The following EPHA4 variants were observed in gnomAD, a reference collection of about 807,000 sequenced individuals.
EPHA4 encodes the protein EPH receptor A4, also known as ephrin type-A receptor 4.
In EPHA4, 19 loss-of-function variants were observed where a neutral mutation model predicts 108.3. The ratio of observed to expected loss-of-function variants is 0.18; its 90% CI spans 0.12 to 0.26. EPHA4 has a LOEUF of 0.26. Ranked by LOEUF, EPHA4 falls within the 10% of genes least tolerant of loss-of-function variation. The probability of loss-of-function intolerance (pLI) is 1.00; values close to 1 mark genes in which losing one functional copy is unlikely to be tolerated. For missense variants in EPHA4, 917 were observed against 1,254.0 expected, an observed-to-expected ratio of 0.73 and a Z score of 4.06; for synonymous variants, 449 against 455.5, an observed-to-expected ratio of 0.99 and a Z score of 0.18.
Position 221,493,305 on chromosome 2 carries a change from C to G in EPHA4, c.979+7712G>C, listed in dbSNP as rs181657751. ...ATGGTTTATACATCAAAGCCTCGCT[C>G]TAGACATCCCTCCCCAAATCCCTTA... is the stretch of plus-strand genomic sequence containing the variant. On this transcript the variant is annotated intron_variant, in intron 4 of 17. Coordinates refer to ENST00000281821, the MANE Select transcript of EPHA4 (RefSeq NM_004438.5). Among the ~76,000 whole-genome samples the G allele has an allele frequency of 1.2e-4, 19 of 152,224 alleles. No homozygotes were observed. The East Asian group carries it at 3.7e-3, about 29-fold the overall frequency.
In EPHA4 at chr2:221,430,138, A is replaced by G; in HGVS notation, c.2510T>C (p.Ile837Thr). 1.2e-6 allele frequency: 2 copies of G among 1,607,950 alleles called. No homozygotes were observed. Among genetic ancestry groups the G allele is most frequent in the Non-Finnish European group, 1.7e-6 (2 of 1,177,864 alleles). The change falls in exon 15 of 18, where the codon ATT becomes ACT. Residue 837 changes from isoleucine to threonine, a missense_variant. Coordinates refer to ENST00000281821, the MANE Select transcript of EPHA4 (RefSeq NM_004438.5). ...DMSNQDVIKAIEEGYRLPPPM... is the reference protein window; with the variant it reads ...DMSNQDVIKATEEGYRLPPPM... ...AGGGGGTAACCGATAGCCTTCCTCA[A>G]TGGCTTTAATCACCTATGGAAGACA... is the stretch of plus-strand genomic sequence containing the variant.
chr2:221,448,586 G>C (rs1322714544), intron 8 of EPHA4, among the ~76,000 whole-genome samples: 1 of 152,076 alleles, frequency 6.6e-6, no homozygotes, highest in Non-Finnish European at 1.5e-5. Flanking sequence ...AGGAATATAA[G>C]AGTGTTAGGT....
intron 4 of EPHA4, among the ~76,000 whole-genome samples, chr2:221,496,646 G>C (rs1692303709): frequency 6.6e-6 from 1 of 152,206 alleles, no homozygotes; most frequent in South Asian, 2.1e-4. Context: ...GGTGGCTCAT[G>C]CCTGTAATCC....
In EPHA4 at chr2:221,535,146, G is replaced by T. The variant is rs903483628; in HGVS notation, c.823+28585C>A. The stretch of plus-strand genomic sequence containing the variant: ...CACTTTCAACTGGGTGTCATCCAGA[G>T]TCAGCCTTAGTGGTGTGGGCAATAC... On this transcript the variant is annotated intron_variant, in intron 3 of 17. Coordinates refer to ENST00000281821, the MANE Select transcript of EPHA4 (RefSeq NM_004438.5). Among the ~76,000 whole-genome samples the T allele has an allele frequency of 4.6e-4, 70 of 152,320 alleles. 1 individual carries two copies. The highest frequency in any genetic ancestry group is 1.7e-3 in the African/African-American group (70 of 41,560).
At chr2:221,535,904 A>G (rs528541386) in intron 3 of EPHA4, among the ~76,000 whole-genome samples, 1 of 152,278 alleles carries the variant, frequency 6.6e-6, no homozygotes, top group South Asian at 2.1e-4. Context: ...AGGGGTAGAG[A>G]CCAAACTCTT....
At chr2:221,463,391 C>T (rs1691209418) in intron 5 of EPHA4, among the ~76,000 whole-genome samples, 1 of 152,246 alleles carries the variant, frequency 6.6e-6, no homozygotes, top group African/African-American at 2.4e-5. Flanking sequence ...ACTGAGAATG[C>T]TTTCGAAATA....
At chr2:221,527,068 G>A (rs1693354573) in intron 3 of EPHA4, among the ~76,000 whole-genome samples, 1 of 150,758 alleles carries the variant, frequency 6.6e-6, no homozygotes, top group African/African-American at 2.4e-5. Flanking sequence ...AGCTTGCAGT[G>A]AGCCGAGATC....
intron 9 of EPHA4, among the ~76,000 whole-genome samples, chr2:221,445,638 A>G (rs1240746341): frequency 1.3e-5 from 2 of 151,626 alleles, no homozygotes; most frequent in Non-Finnish European, 1.5e-5. Context: ...GTCACTCTAG[A>G]GCCACTTTTA....
At chr2:221,473,741 C>T (rs996162427) in intron 5 of EPHA4, among the ~76,000 whole-genome samples, 4 of 151,858 alleles carry the variant, frequency 2.6e-5, no homozygotes, top group Admixed American at 2.6e-4. Context: ...ATTTAGAAGC[C>T]CATTGGAAAC....
In EPHA4 at chr2:221,418,140, A is replaced by G. The variant is rs1689634035; in HGVS notation, c.*3232T>C. ...GTATAAAAGACCATAAATAAATGAC[A>G]TAAGTTATGTGTACCTAAAGTTCAT... is the stretch of plus-strand genomic sequence containing the variant. On this transcript the variant is annotated 3_prime_UTR_variant, in exon 18 of 18. Transcript: ENST00000281821. The G allele has an allele frequency of 6.6e-6, 1 of 152,668 alleles. No homozygotes were observed. Among genetic ancestry groups the G allele is most frequent in the African/African-American group, 2.4e-5 (1 of 41,458 alleles). The allele number at this position is 152,668 out of a possible 1,614,324, so 9.5% of individuals were successfully genotyped here.
At chr2:221,427,603 G>C (rs1039794121) in intron 15 of EPHA4, among the ~76,000 whole-genome samples, 1 of 152,046 alleles carries the variant, frequency 6.6e-6, no homozygotes, top group African/African-American at 2.4e-5. Context: ...TTAAGTCATA[G>C]TTTTTGAACT....
intron 5 of EPHA4, among the ~76,000 whole-genome samples, chr2:221,458,904 C>A (rs1691047841): frequency 6.6e-6 from 1 of 152,130 alleles, no homozygotes; most frequent in African/African-American, 2.4e-5. Flanking sequence ...CCTGGAGAAC[C>A]AGAGATTAGG....
chr2:221,424,910 G>A (rs1342094991), intron 17 of EPHA4, among the ~76,000 whole-genome samples: 1 of 152,100 alleles, frequency 6.6e-6, no homozygotes, highest in Non-Finnish European at 1.5e-5. Flanking sequence ...AGGACAGGAG[G>A]AGCCCTTCGT....
At chr2:221,524,050 G>GA (rs988398992) in intron 3 of EPHA4, among the ~76,000 whole-genome samples, 1 of 152,012 alleles carries the variant, frequency 6.6e-6, no homozygotes, top group African/African-American at 2.4e-5. Context: ...TGAAGGAGAG[G>GA]AAAAAAATGA....
chr2:221,500,232 C>T (rs1692448943), intron 4 of EPHA4, among the ~76,000 whole-genome samples: 1 of 152,106 alleles, frequency 6.6e-6, no homozygotes, highest in Non-Finnish European at 1.5e-5. Context: ...GGCTGGGAAA[C>T]AAACTCAAAA....
At chr2:221,508,903 T>A (rs972875819) in intron 3 of EPHA4, among the ~76,000 whole-genome samples, 1 of 61,976 alleles carries the variant, frequency 1.6e-5, no homozygotes, top group African/African-American at 1.3e-4. Context: ...TGTTTTTTGA[T>A]ACTGTTTCAC....
intron 3 of EPHA4, among the ~76,000 whole-genome samples, chr2:221,506,823 A>G (rs1329992456): frequency 1.3e-5 from 2 of 152,246 alleles, no homozygotes; most frequent in African/African-American, 4.8e-5. Flanking sequence ...GTATTTATGT[A>G]ATAAGATAGA....
At chr2:221,442,339 T>C (rs1231315537) in intron 11 of EPHA4, among the ~76,000 whole-genome samples, 1 of 152,214 alleles carries the variant, frequency 6.6e-6, no homozygotes, top group Non-Finnish European at 1.5e-5. Flanking sequence ...CAGGTGTTAC[T>C]GTAAATAGGT....
chr2:221,565,074 T>A (rs1411733299), intron 2 of EPHA4, among the ~76,000 whole-genome samples: 1 of 152,174 alleles, frequency 6.6e-6, no homozygotes, highest in East Asian at 1.9e-4. Context: ...AGACTGTGTA[T>A]TCAATTAAAA....
Sources: gnomAD v4.1 joint callset for allele counts (sites outside exome capture counted in the v4.1 genomes callset) on GRCh38, gnomAD v4.1.1 for gene constraint, MANE v1.5 for transcripts, NCBI Gene and HGNC (gene_info 2026-07-23, HGNC 2026-07-21) for gene names.